The following FRMD6 variants were observed in gnomAD, a reference collection of about 807,000 sequenced individuals.
FRMD6 encodes the protein FERM domain-containing protein 6.
Under a neutral mutation model 73.2 loss-of-function variants are expected in FRMD6, and 37 were observed. That is an observed-to-expected ratio of 0.51 (90% CI 0.39 to 0.66). The LOEUF is 0.66. Among genes scored for constraint, FRMD6 ranks in the 30% least tolerant of loss-of-function variants. The pLI is 0.00. For synonymous variants in FRMD6, 273 were observed against 282.2 expected (o/e 0.97, Z 0.33); for missense variants, 714 against 780.5 (o/e 0.91, Z 1.02).
At chr14:51,662,469 G>A (rs1312231167) in intron 1 of FRMD6, among the ~76,000 whole-genome samples, 1 of 152,174 alleles carries the variant, frequency 6.6e-6, no homozygotes, top group Non-Finnish European at 1.5e-5. Flanking sequence ...CAGTGGAACA[G>A]AATAGAGAGC....
At chr14:51,659,511 G>A (rs766434092) in intron 1 of FRMD6, among the ~76,000 whole-genome samples, 3 of 152,206 alleles carry the variant, frequency 2.0e-5, no homozygotes, top group Non-Finnish European at 2.9e-5. Flanking sequence ...CTGTGTTGCT[G>A]CAGTAGGAGC....
chr14:51,702,229 A>G (rs1896365581), intron 4 of FRMD6, among the ~76,000 whole-genome samples: 1 of 152,006 alleles, frequency 6.6e-6, no homozygotes, highest in Non-Finnish European at 1.5e-5. Flanking sequence ...TTCCACTGGC[A>G]TTTATTTTTA....
chr14:51,430,000 G>C, the FRMD6 span, among the ~76,000 whole-genome samples: 1 of 152,106 alleles, frequency 6.6e-6, no homozygotes, highest in African/African-American at 2.4e-5. Flanking sequence ...ACTTTCTGAG[G>C]ATGTACGCCC....
intron 2 of FRMD6, chr14:51,576,185 CA>C (rs1189143575): frequency 1.3e-5 from 2 of 152,320 alleles, no homozygotes; most frequent in Non-Finnish European, 2.9e-5. Context: ...CACGAGGAAT[CA>C]CAAAGCAAAC....
chr14:51,715,478 C>T lies in FRMD6; in HGVS notation c.1003C>T (p.Arg335Trp), dbSNP rs1259781188. Residue 335 changes from arginine (R) to tryptophan (W), a missense_variant, in exon 10 of 14, where the codon CGG becomes TGG. Arg to Trp is a moderately radical substitution (Grantham distance 101). Transcript: ENST00000344768. ...MNLQPVLRHI[R>W]KLEENEEKKQ... is the part of the protein sequence containing the mutation. ...TCTGCAGCCTGTCCTGCGCCATATC[C>T]GGAAGCTGGAGGAAAACGAAGGTAT... 1.9e-6 allele frequency: 3 copies of T among 1,609,606 alleles called. No homozygotes were observed. The highest frequency in any genetic ancestry group is 2.2e-5 in the East Asian group (1 of 44,786).
rs1446499168 is a variant in FRMD6, at chr14:51,689,856, A to G, written c.20A>G (p.His7Arg). 3.1e-6 allele frequency: 5 copies of G among 1,612,328 alleles called. No individual in the cohort carries two copies. Among genetic ancestry groups the G allele is most frequent in the African/African-American group, 1.3e-5 (1 of 74,910 alleles). ...AACACAATGAACAAATTGAATTTTC[A>G]TAACAACAGAGTCATGCAAGACCGC... The part of the protein sequence containing the change: MNKLNF[H>R]NNRVMQDRRS... Residue 7 changes from histidine to arginine, a missense_variant, in exon 2 of 14, where the codon CAT becomes CGT. Coordinates refer to ENST00000344768, the MANE Select transcript of FRMD6 (RefSeq NM_001267046.2).
At chr14:51,726,387 G>A (rs1897954236) in intron 13 of FRMD6, among the ~76,000 whole-genome samples, 1 of 152,122 alleles carries the variant, frequency 6.6e-6, no homozygotes, top group Admixed American at 6.5e-5. Context: ...TGTAATGTAT[G>A]ACTAATGGCC....
At chr14:51,545,972 A>G (rs4901135) in intron 1 of FRMD6, among the ~76,000 whole-genome samples, 6,064 of 152,056 alleles carry the variant, frequency 0.04, 153 homozygotes, top group Non-Finnish European at 0.059. Context: ...ATTAAAGTTG[A>G]AAAAAATGAA....
chr14:51,412,110 C>T, the FRMD6 span, among the ~76,000 whole-genome samples: 1 of 151,988 alleles, frequency 6.6e-6, no homozygotes, highest in Non-Finnish European at 1.5e-5. Flanking sequence ...TAATTTATTC[C>T]TTAAGTCTTT....
At chr14:51,721,583 G>A (rs1160773753) in intron 11 of FRMD6, among the ~76,000 whole-genome samples, 1 of 145,698 alleles carries the variant, frequency 6.9e-6, no homozygotes, top group East Asian at 2.2e-4. Context: ...CCAGCCTGGT[G>A]ACAGAGTGAG....
At chr14:51,579,493 G>A (rs1403049828) in intron 2 of FRMD6, among the ~76,000 whole-genome samples, 1 of 152,106 alleles carries the variant, frequency 6.6e-6, no homozygotes, top group Non-Finnish European at 1.5e-5. Context: ...CTTACTTCTA[G>A]GATATAACTT....
the FRMD6 span, among the ~76,000 whole-genome samples, chr14:51,469,274 A>T: frequency 6.7e-6 from 1 of 148,222 alleles, no homozygotes; most frequent in Non-Finnish European, 1.5e-5. Flanking sequence ...TTATTTATTT[A>T]TTTATTTTTT....
At chr14:51,720,451 T>C in intron 11 of FRMD6, 61 bp downstream of exon 11, 1 of 1,520,710 alleles carries the variant, frequency 6.6e-7, no homozygotes, top group African/African-American at 1.4e-5. Context: ...CAAGCATTGG[T>C]TCTATAGAAC....
intron 1 of FRMD6, among the ~76,000 whole-genome samples, chr14:51,537,511 G>A (rs1333668444): frequency 6.6e-6 from 1 of 152,194 alleles, no homozygotes; most frequent in Non-Finnish European, 1.5e-5. Flanking sequence ...TTTCATTTGG[G>A]TCAATCCCGT....
chr14:51,571,064 T>C (rs1888109768), intron 2 of FRMD6, among the ~76,000 whole-genome samples: 1 of 152,246 alleles, frequency 6.6e-6, no homozygotes, highest in Non-Finnish European at 1.5e-5. Context: ...GGCTGCCTTT[T>C]ATAATTAACA....
At chr14:51,469,581 C>G in the FRMD6 span, among the ~76,000 whole-genome samples, 12 of 144,690 alleles carry the variant, frequency 8.3e-5, no homozygotes, top group Admixed American at 1.4e-4. Context: ...CCACTGCACT[C>G]CAGCCTGGGC....
intron 1 of FRMD6, among the ~76,000 whole-genome samples, chr14:51,547,463 C>A (rs1413461310): frequency 6.6e-6 from 1 of 152,080 alleles, no homozygotes; most frequent in Non-Finnish European, 1.5e-5. Context: ...TAAAATGCAG[C>A]CTTTTCTGGT....
intron 2 of FRMD6, among the ~76,000 whole-genome samples, chr14:51,615,143 C>T (rs17124293): frequency 0.21 from 31,474 of 152,094 alleles, 3,655 homozygotes; most frequent in East Asian, 0.29. Context: ...ACTAAAAGCT[C>T]AGTATAGTAG....
intron 2 of FRMD6, among the ~76,000 whole-genome samples, chr14:51,638,459 ACTG>A (rs1566518792): frequency 1.3e-5 from 2 of 151,980 alleles, no homozygotes; most frequent in East Asian, 1.9e-4. Flanking sequence ...GGAGACACTT[ACTG>A]CCGGGCTACT....
Sources: gnomAD v4.1 joint callset for allele counts (sites outside exome capture counted in the v4.1 genomes callset) on GRCh38, gnomAD v4.1.1 for gene constraint, MANE v1.5 for transcripts, NCBI Gene and HGNC (gene_info 2026-07-23, HGNC 2026-07-21) for gene names.